PSRC1: variants seen among roughly 807,000 people sequenced by gnomAD.
PSRC1 encodes the protein proline and serine rich coiled-coil 1, also known as proline/serine-rich coiled-coil protein 1.
A neutral mutation model predicts 31.9 loss-of-function variants in PSRC1; 30 were observed. That is an observed-to-expected ratio of 0.94 (90% CI 0.70 to 1.28). PSRC1 has a LOEUF of 1.28. Ranked by LOEUF, PSRC1 falls within the 50% of genes most tolerant of loss-of-function variation. The pLI is 0.00. For missense variants in PSRC1, 481 were observed against 472.8 expected, an observed-to-expected ratio of 1.02 and a Z score of -0.16; for synonymous variants, 191 against 192.1, an observed-to-expected ratio of 0.99 and a Z score of 0.05.
chr1:109,280,523 A>C (rs1248282902), intron 5 of PSRC1, 34 bp from the exon 7 acceptor site: 3 of 1,561,796 alleles, frequency 1.9e-6, no homozygotes, highest in Admixed American at 3.5e-5. Context: ...ATGAGTTAGC[A>C]GCAAGTTTAA....
intron 5 of PSRC1, 126 bp downstream of exon 6, chr1:109,280,651 G>A: frequency 1.0e-6 from 1 of 979,020 alleles, no homozygotes; most frequent in Non-Finnish European, 1.5e-6. Context: ...TATCCTCTCT[G>A]TAACTCAGTC....
intron 2 of PSRC1, 46 bp from the exon 3 acceptor site, chr1:109,282,621 A>C: frequency 6.2e-7 from 1 of 1,609,296 alleles, no homozygotes; most frequent in Non-Finnish European, 8.5e-7. Flanking sequence ...TCCCTGATGC[A>C]GCTCTCCATC....
At chr1:109,282,002 G>T in exon 4 of PSRC1, 1 of 1,512,268 alleles carries the variant, frequency 6.6e-7, no homozygotes, top group Non-Finnish European at 8.8e-7. Flanking sequence ...CGGTGGGAGA[G>T]GCCCCGTCGA....
At chr1:109,281,416 A>G in intron 4 of PSRC1, 165 bp from the exon 5 acceptor site, 1 of 745,686 alleles carries the variant, frequency 1.3e-6, no homozygotes, top group South Asian at 1.9e-5. Context: ...ACTATTGCCA[A>G]TACCATTTAT....
Position 109,281,254 on chromosome 1 carries a change from G to A in PSRC1, c.520-3C>T. 1 of 1,578,738 alleles carries A rather than the reference G, an allele frequency of 6.3e-7. No homozygotes were observed. Among genetic ancestry groups the A allele is most frequent in the Non-Finnish European group, 8.6e-7 (1 of 1,160,330 alleles). On this transcript the variant is annotated splice_polypyrimidine_tract_variant and splice_region_variant and intron_variant, in intron 4 of 6. Transcript: ENST00000409138. The stretch of plus-strand genomic sequence containing the variant: ...AACAGATTGCAAGTGGGTGACTCCT[G>A]AAACACAAAGAGAGAGAGAAAAAAG...
chr1:109,281,289 G>GA lies in PSRC1; in HGVS notation c.520-39dup, dbSNP rs774957514. On this transcript the variant is annotated intron_variant, in intron 4 of 6. Coordinates refer to ENST00000409138, the Ensembl canonical transcript of PSRC1. ...GAGAGAGAGAAAAAAGACTAGAGTGGAAAAAATATCTGTTCTGTGGCTTAA... is the reference window on the plus strand; with the variant it reads ...GAGAGAGAGAAAAAAGACTAGAGTGGAAAAAAATATCTGTTCTGTGGCTTAA... The GA allele has an allele frequency of 2.2e-5, 32 of 1,473,020 alleles. No homozygotes were observed. In the African/African-American group the frequency reaches 4.1e-4, roughly 19 times the overall value. 91.2% of individuals were successfully genotyped at this position (1,473,020 alleles called of 1,614,324 possible).
chr1:109,281,343 T>TCTAC, intron 4 of PSRC1, 92 bp from the exon 5 acceptor site: 2 of 1,148,012 alleles, frequency 1.7e-6, no homozygotes, highest in Non-Finnish European at 2.4e-6. Flanking sequence ...TGGAGAGTTG[T>TCTAC]CTACATCCCA....
chr1:109,280,320 G>A (rs1656833638), intron 6 of PSRC1, 76 bp downstream of exon 7: 2 of 1,445,968 alleles, frequency 1.4e-6, no homozygotes, highest in African/African-American at 1.4e-5. Flanking sequence ...ATTCAGGGCT[G>A]ATGTGCATAA....
At chr1:109,280,199 C>T (rs769127810) in intron 6 of PSRC1, 43 bp from the exon 8 acceptor site, 3 of 1,608,510 alleles carry the variant, frequency 1.9e-6, no homozygotes, top group South Asian at 1.1e-5. Context: ...TGCCCTTCTT[C>T]CTCAAGCCCA....
exon 4 of PSRC1, chr1:109,282,010 C>A (rs780285697): frequency 1.3e-6 from 2 of 1,509,544 alleles, no homozygotes; most frequent in South Asian, 1.3e-5. Context: ...GAGGCCCCGT[C>A]GAAGTGGTTT....
At chr1:109,280,867 C>G (rs761919628) in exon 5 of PSRC1, 1 of 1,613,826 alleles carries the variant, frequency 6.2e-7, no homozygotes, top group Admixed American at 1.7e-5. Flanking sequence ...GGTAGGGCAC[C>G]TCTGCCAGGT....
At chr1:109,280,020 C>G (rs1439467515) in exon 7 of PSRC1, 1 of 1,178,618 alleles carries the variant, frequency 8.5e-7, no homozygotes, top group African/African-American at 1.5e-5. Flanking sequence ...CCTGGGAGAC[C>G]AGCCCTGGTG....
At chr1:109,280,459 A>G (rs115706488) in exon 6 of PSRC1, 16 of 1,613,568 alleles carry the variant, frequency 9.9e-6, no homozygotes, top group African/African-American at 6.7e-5. Context: ...GGCACCCATG[A>G]CAGGAAGATT....
chr1:109,283,070 C>A (rs906185796), intron 1 of PSRC1: 15 of 357,880 alleles, frequency 4.2e-5, no homozygotes, highest in African/African-American at 3.1e-4. Context: ...CACCTCCAGC[C>A]CACCCTGTGT....
chr1:109,279,661 C>G, exon 7 of PSRC1: 1 of 161,764 alleles, frequency 6.2e-6, no homozygotes, highest in Non-Finnish European at 1.4e-5. Context: ...TCACAGGAAA[C>G]AATTTCTGAA....
At chr1:109,281,841 T>G (rs1371530794) in exon 4 of PSRC1, 2 of 1,613,776 alleles carry the variant, frequency 1.2e-6, no homozygotes, top group African/African-American at 2.7e-5. Flanking sequence ...GGCCCTCGCC[T>G]GCGCTCTCCC....
At chr1:109,282,895 AC>A (rs1657420184) in intron 1 of PSRC1, 159 bp from the exon 2 acceptor site, 1 of 660,652 alleles carries the variant, frequency 1.5e-6, no homozygotes, top group Admixed American at 2.7e-5. Context: ...CGGGAACGAT[AC>A]GGAGGGCTCC....
At chr1:109,281,108 C>T in exon 5 of PSRC1, 1 of 1,613,356 alleles carries the variant, frequency 6.2e-7, no homozygotes, top group Non-Finnish European at 8.5e-7. Flanking sequence ...TCCCACTCAC[C>T]CGCAACTTGG....
At chr1:109,279,953 G>A in exon 7 of PSRC1, 1 of 678,108 alleles carries the variant, frequency 1.5e-6, no homozygotes, top group Non-Finnish European at 2.7e-6. Context: ...TCAACCCAGA[G>A]AGTTTAAGTC....
Sources: allele counts gnomAD v4.1 joint callset, GRCh38; gene constraint gnomAD v4.1.1; transcripts MANE v1.5; gene names NCBI Gene and HGNC (gene_info 2026-07-23, HGNC 2026-07-21).